Variants in SVOPL observed in about 807,000 individuals in gnomAD.
The protein encoded by SVOPL is putative transporter SVOPL.
Under a neutral mutation model 61.0 loss-of-function variants are expected in SVOPL, and 60 were observed. The observed-to-expected ratio is 0.98, with a 90% CI of 0.80 to 1.22. The LOEUF (loss-of-function observed/expected upper bound fraction) is 1.22, where lower values mean the gene tolerates loss of function less well. SVOPL is among the 50% of genes most tolerant of loss of function. The pLI is 0.00. For synonymous variants in SVOPL, 279 were observed against 250.0 expected, an observed-to-expected ratio of 1.12 and a Z score of -1.09; for missense variants, 662 against 643.9, an observed-to-expected ratio of 1.03 and a Z score of -0.30.
chr7:138,626,930 T>A (rs978541582), intron 12 of SVOPL, among the ~76,000 whole-genome samples: 2 of 151,912 alleles, frequency 1.3e-5, no homozygotes, highest in African/African-American at 2.4e-5. Context: ...AAATGATACA[T>A]ATCAGAGCTC....
intron 5 of SVOPL, chr7:138,661,540 C>T (rs1181998849): frequency 1.0e-6 from 1 of 985,220 alleles, no homozygotes; most frequent in Admixed American, 6.2e-5. Context: ...CTTACCTTCC[C>T]TGTAGTTTCC....
Position 138,629,153 on chromosome 7 carries a change from G to GTGTA in SVOPL, c.864-791_864-790insTACA, listed in dbSNP as rs10624737. Among the ~76,000 whole-genome samples the GTGTA allele has an allele frequency of 9.7e-4, 143 of 147,368 alleles. 3 individuals are homozygous for GTGTA. Among genetic ancestry groups the GTGTA allele is most frequent in the East Asian group, 3.9e-3 (20 of 5,086 alleles). On this transcript the variant is annotated intron_variant, in intron 10 of 15. Coordinates refer to ENST00000674285, the MANE Select transcript of SVOPL (RefSeq NM_001139456.2). ...TGTGTGTGTGTGTGTGTGTGTGTGTGTATATATGTATATATAATTTGCTGG... is the reference window on the plus strand; with the variant it reads ...TGTGTGTGTGTGTGTGTGTGTGTGTGTGTATATATATGTATATATAATTTGCTGG...
rs776018908 is a variant in SVOPL, at chr7:138,649,085, A to G, written c.587T>C (p.Ile196Thr). Reference protein sequence around the residue: ...LLIIGLASVIIPTIGWRWLIR... With the variant: ...LLIIGLASVITPTIGWRWLIR... ...GAGCCAGCGCCACCCGATGGTGGGG[A>G]TGATCACAGAGGCCAAGCCAATGAT... The change falls in exon 8 of 16, where the codon ATC (isoleucine) becomes ACC (threonine). Residue 196 changes from isoleucine (I) to threonine (T), a missense_variant. Ile to Thr is a moderately conservative substitution (Grantham distance 89, BLOSUM62 -1). Transcript: ENST00000674285. 2 of 1,613,906 alleles carry G rather than the reference A, an allele frequency of 1.2e-6. No homozygotes were observed. Among genetic ancestry groups the G allele is most frequent in the South Asian group, 2.2e-5 (2 of 91,058 alleles).
intron 9 of SVOPL, among the ~76,000 whole-genome samples, chr7:138,640,844 C>T (rs1800746821): frequency 2.6e-5 from 4 of 152,048 alleles, no homozygotes; most frequent in Admixed American, 1.3e-4. Context: ...ATCAATCATA[C>T]CCCAAACCTC....
At chr7:138,642,148 G>C (rs1014438952) in intron 9 of SVOPL, among the ~76,000 whole-genome samples, 10 of 151,156 alleles carry the variant, frequency 6.6e-5, no homozygotes, top group African/African-American at 2.4e-4. Context: ...TTGAGAAATA[G>C]AAATACATTT....
At chr7:138,614,579 A>G (rs61700448) in intron 14 of SVOPL, among the ~76,000 whole-genome samples, 5,057 of 151,994 alleles carry the variant, frequency 0.033, 286 homozygotes, top group African/African-American at 0.11. Flanking sequence ...TATTTTTAGT[A>G]GAGATGGGGT....
At position 138,612,444 on chromosome 7, in the gene SVOPL, AAAT is replaced by A. The variant is rs1563088415; in HGVS notation, c.1353+8599_1353+8601del. Among the ~76,000 whole-genome samples, 70 of 145,460 alleles carry A rather than the reference AAAT, an allele frequency of 4.8e-4. 5 individuals carry two copies. The highest frequency in any genetic ancestry group is 1.7e-3 in the African/African-American group (67 of 38,722). On this transcript the variant is annotated intron_variant, in intron 14 of 15. Coordinates refer to ENST00000674285, the MANE Select transcript of SVOPL (RefSeq NM_001139456.2). ...AAAAATAAAATAAAAAATAAAAAAA[AAAT>A]AAAAAAAAAAAAAAAAGAAAGATAA...
chr7:138,607,493 C>T (rs1007228821), intron 14 of SVOPL, among the ~76,000 whole-genome samples: 3 of 152,052 alleles, frequency 2.0e-5, no homozygotes, highest in South Asian at 2.1e-4. Flanking sequence ...CACGGGATGC[C>T]GGAGGGAGAG....
intron 9 of SVOPL, among the ~76,000 whole-genome samples, chr7:138,631,757 C>CG (rs547224893): frequency 0.021 from 3,135 of 152,136 alleles, 56 homozygotes; most frequent in Non-Finnish European, 0.033. Flanking sequence ...TTAGTAGAGA[C>CG]GGGGTTTTAC....
At chr7:138,664,654 C>T (rs1211746686) in intron 4 of SVOPL, among the ~76,000 whole-genome samples, 1 of 150,678 alleles carries the variant, frequency 6.6e-6, no homozygotes, top group Non-Finnish European at 1.5e-5. Context: ...GATCCTCCAT[C>T]GGGCGCGCGC....
intron 9 of SVOPL, among the ~76,000 whole-genome samples, chr7:138,639,873 G>A (rs1196624264): frequency 6.6e-6 from 1 of 151,268 alleles, no homozygotes; most frequent in Non-Finnish European, 1.5e-5. Context: ...CTCAACCTCT[G>A]AAATAGCTAG....
intron 8 of SVOPL, among the ~76,000 whole-genome samples, chr7:138,646,865 C>T (rs1328454648): frequency 6.6e-6 from 1 of 152,130 alleles, no homozygotes; most frequent in Non-Finnish European, 1.5e-5. Context: ...AATCTGCCCA[C>T]AGGAAGCAAG....
rs1211021285 is a variant in SVOPL, at chr7:138,644,701, G to T, written c.789+16C>A. 1 of 1,612,768 alleles carries T rather than the reference G, an allele frequency of 6.2e-7. No individual in the cohort carries two copies. The highest frequency in any genetic ancestry group is 8.5e-7 in the Non-Finnish European group (1 of 1,179,350). ...GCCACTGGTGATAGGAGAAGACCTC[G>T]GGGGCCAGCACTCACCAGGACGGGC... On this transcript the variant is annotated intron_variant, in intron 9 of 15. Transcript: ENST00000674285.
intron 9 of SVOPL, among the ~76,000 whole-genome samples, chr7:138,638,746 T>C (rs757497467): frequency 3.9e-5 from 6 of 152,118 alleles, no homozygotes; most frequent in African/African-American, 7.2e-5. Context: ...TAGCAAATAA[T>C]ATTAAATATT....
rs73453858 is a variant in SVOPL, at chr7:138,688,431, G to A, written c.-34-9352C>T. Among the ~76,000 whole-genome samples the A allele has an allele frequency of 8.3e-4, 126 of 151,974 alleles. 1 individual carries two copies. Among genetic ancestry groups the A allele is most frequent in the African/African-American group, 2.9e-3 (119 of 41,458 alleles). Reference sequence around the variant, plus strand: ...ATTACAGGCATGCACCACCACACTCGGCTAATTTTATACTTTTAATAGAGA... The same window carrying A: ...ATTACAGGCATGCACCACCACACTCAGCTAATTTTATACTTTTAATAGAGA... On this transcript the variant is annotated intron_variant, in intron 1 of 15. Coordinates refer to ENST00000674285, the MANE Select transcript of SVOPL (RefSeq NM_001139456.2).
At chr7:138,638,395 T>C (rs1366657901) in intron 9 of SVOPL, among the ~76,000 whole-genome samples, 2 of 151,884 alleles carry the variant, frequency 1.3e-5, no homozygotes, top group Non-Finnish European at 2.9e-5. Context: ...AAATAAATAC[T>C]GGCTCCAAAA....
At chr7:138,688,066 G>T (rs2117135765) in intron 1 of SVOPL, among the ~76,000 whole-genome samples, 1 of 152,290 alleles carries the variant, frequency 6.6e-6, no homozygotes, top group Admixed American at 6.5e-5. Context: ...CCCCCACAGT[G>T]CTGGGATTAC....
At chr7:138,631,944 C>A (rs528658463) in intron 9 of SVOPL, among the ~76,000 whole-genome samples, 1 of 128,920 alleles carries the variant, frequency 7.8e-6, no homozygotes, top group South Asian at 2.3e-4. Flanking sequence ...ATGGCTCAGT[C>A]CCTTCTGCTC....
At chr7:138,686,495 A>G (rs1417651332) in intron 1 of SVOPL, among the ~76,000 whole-genome samples, 1 of 148,024 alleles carries the variant, frequency 6.8e-6, no homozygotes, top group Non-Finnish European at 1.5e-5. Context: ...CTGGCTCTGT[A>G]GTTCCTGTGG....
Sources: allele counts gnomAD v4.1 joint callset (sites outside exome capture counted in the v4.1 genomes callset), GRCh38; gene constraint gnomAD v4.1.1; transcripts MANE v1.5; gene names NCBI Gene and HGNC (gene_info 2026-07-23, HGNC 2026-07-21).